The following NBAS variants were observed in gnomAD, a reference collection of about 807,000 sequenced individuals.
NBAS encodes the protein NAG/BC035112 fusion.
Under a neutral mutation model 302.5 loss-of-function variants are expected in NBAS, and 219 were observed. That is an observed-to-expected ratio of 0.72 (90% CI 0.65 to 0.81). The LOEUF is 0.81. Among genes scored for constraint, NBAS ranks in the 30% least tolerant of loss-of-function variants. The pLI is 0.00. For missense variants in NBAS, 2,932 were observed against 2,841.6 expected (o/e 1.03, Z -0.72); for synonymous variants, 1,118 against 1,021.6 (o/e 1.09, Z -1.80).
chr2:14,797,105 A>T, the NBAS span, among the ~76,000 whole-genome samples: 1 of 150,266 alleles, frequency 6.7e-6, no homozygotes, highest in African/African-American at 2.5e-5. Flanking sequence ...AAAAAAAAAA[A>T]AAAAAAAAAC....
the NBAS span, among the ~76,000 whole-genome samples, chr2:14,867,708 G>A: frequency 1.7e-4 from 26 of 152,178 alleles, no homozygotes; most frequent in South Asian, 4.1e-4. Context: ...TCTGTCTTCT[G>A]AAAGGTGGAA....
At chr2:14,912,669 T>C in the NBAS span, among the ~76,000 whole-genome samples, 1 of 148,776 alleles carries the variant, frequency 6.7e-6, no homozygotes, top group Non-Finnish European at 1.5e-5. Context: ...TTTCTCTAGG[T>C]ATGTTGTGAA....
intron 50 of NBAS, among the ~76,000 whole-genome samples, chr2:15,183,531 C>T (rs921729713): frequency 3.9e-5 from 6 of 152,206 alleles, no homozygotes; most frequent in African/African-American, 1.4e-4. Context: ...TGAAGCAGTA[C>T]ACATACAGCC....
chr2:14,864,336 AAAG>A, the NBAS span, among the ~76,000 whole-genome samples: 2 of 151,028 alleles, frequency 1.3e-5, no homozygotes, highest in African/African-American at 2.5e-5. Flanking sequence ...AAAAAAAAAA[AAAG>A]AAAGAAAGAA....
intron 48 of NBAS, among the ~76,000 whole-genome samples, chr2:15,214,113 C>T (rs1285928507): frequency 6.6e-6 from 1 of 152,208 alleles, no homozygotes; most frequent in Non-Finnish European, 1.5e-5. Flanking sequence ...TCTAATCCTT[C>T]ATCATTAATG....
chr2:15,075,448 C>G, the NBAS span, among the ~76,000 whole-genome samples: 5 of 152,282 alleles, frequency 3.3e-5, no homozygotes, highest in Middle Eastern at 3.4e-3. Flanking sequence ...TTCACTGGCT[C>G]CCTCACTGCA....
chr2:15,115,500 T>C, the NBAS span, among the ~76,000 whole-genome samples: 2 of 152,132 alleles, frequency 1.3e-5, no homozygotes, highest in Non-Finnish European at 2.9e-5. Flanking sequence ...AAAAAAATTA[T>C]TTATAATAAC....
intron 23 of NBAS, among the ~76,000 whole-genome samples, chr2:15,418,293 T>C (rs758981996): frequency 3.3e-5 from 5 of 152,198 alleles, no homozygotes; most frequent in Non-Finnish European, 7.4e-5. Context: ...CTGATATTCC[T>C]GAAGATGCTC....
At chr2:15,106,228 C>G in the NBAS span, among the ~76,000 whole-genome samples, 1 of 143,104 alleles carries the variant, frequency 7.0e-6, no homozygotes, top group Non-Finnish European at 1.5e-5. Flanking sequence ...TTTTCAAAAG[C>G]TCAGTTTTTC....
chr2:15,165,269 C>A (rs532253410), downstream of NBAS, among the ~76,000 whole-genome samples: 12 of 152,224 alleles, frequency 7.9e-5, no homozygotes, highest in Admixed American at 7.8e-4. Flanking sequence ...CGGACATAGG[C>A]GGTGCCATCA....
At chr2:15,357,813 C>T (rs747930992) in intron 32 of NBAS, among the ~76,000 whole-genome samples, 10 of 152,096 alleles carry the variant, frequency 6.6e-5, no homozygotes, top group Non-Finnish European at 1.5e-4. Flanking sequence ...GATATGGCTC[C>T]CCCTTCAAGC....
chr2:15,458,355 A>T (rs1679343023), intron 21 of NBAS, among the ~76,000 whole-genome samples: 1 of 152,138 alleles, frequency 6.6e-6, no homozygotes, highest in Admixed American at 6.5e-5. Context: ...CAAATCTCAC[A>T]CTCAAATGTG....
Position 15,474,116 on chromosome 2 carries a change from C to A in NBAS, c.1550G>T (p.Arg517Leu). 1 of 1,614,128 alleles carries A rather than the reference C, an allele frequency of 6.2e-7. No individual in the cohort carries two copies. Among genetic ancestry groups the A allele is most frequent in the Non-Finnish European group, 8.5e-7 (1 of 1,180,028 alleles). The change falls in exon 15 of 52, where the codon CGC (arginine) becomes CTC (leucine). Residue 517 changes from arginine to leucine, a missense_variant. By Grantham distance (102) the Arg-to-Leu change is moderately radical. Transcript: ENST00000281513. Reference protein sequence around the residue: ...KRPRTITKNYRLVSLRSTTPE... With the variant: ...KRPRTITKNYLLVSLRSTTPE... ...TGTCGTGGAGCGCAAACTCACAAGGCGGTAGTTTTTAGTAATGGTTCGTGG... is the reference window on the plus strand; with the variant it reads ...TGTCGTGGAGCGCAAACTCACAAGGAGGTAGTTTTTAGTAATGGTTCGTGG...
the NBAS span, among the ~76,000 whole-genome samples, chr2:15,105,402 T>A: frequency 4.0e-5 from 6 of 151,598 alleles, no homozygotes; most frequent in African/African-American, 1.5e-4. Context: ...GAACTTAAAG[T>A]ATAATTTTTT....
chr2:15,013,564 AT>A, the NBAS span, among the ~76,000 whole-genome samples: 1 of 152,084 alleles, frequency 6.6e-6, no homozygotes, highest in South Asian at 2.1e-4. Flanking sequence ...GCAGGGCATC[AT>A]TTGAGGTCAG....
At chr2:15,200,080 G>A (rs757673930) in intron 48 of NBAS, among the ~76,000 whole-genome samples, 1 of 151,638 alleles carries the variant, frequency 6.6e-6, no homozygotes, top group Non-Finnish European at 1.5e-5. Flanking sequence ...TTTTTTTATT[G>A]TAGAGATGGG....
the NBAS span, among the ~76,000 whole-genome samples, chr2:15,144,045 A>ATATATATATATATATATATATAT: frequency 9.0e-6 from 1 of 110,812 alleles, no homozygotes; most frequent in African/African-American, 4.2e-5. Context: ...TCCTATATAT[A>ATATATATATATATATATATATAT]AAAATATATA....
Position 15,473,328 on chromosome 2 carries a change from T to C in NBAS, c.1619A>G (p.Glu540Gly). ...GGTATGAGCCAAGGACAAGGCTTCC[T>C]CATACTCTTCACTTTCAATCTTCAG... ...YQRKIESEEY[E>G]EALSLAHTYG... Residue 540 changes from glutamate (E) to glycine (G), a missense_variant, in exon 16 of 52, where the codon GAG (glutamate) becomes GGG (glycine). Glu to Gly is a moderately conservative substitution (Grantham distance 98, BLOSUM62 -2). Coordinates refer to ENST00000281513, the MANE Select transcript of NBAS (RefSeq NM_015909.4). 6.2e-7 allele frequency: 1 copy of C among 1,613,936 alleles called. No homozygotes were observed. The highest frequency in any genetic ancestry group is 8.5e-7 in the Non-Finnish European group (1 of 1,179,862).
At chr2:15,132,259 A>G in the NBAS span, among the ~76,000 whole-genome samples, 8 of 152,220 alleles carry the variant, frequency 5.3e-5, no homozygotes, top group African/African-American at 1.2e-4. Flanking sequence ...ATAGAAATGA[A>G]CTATCAAGCC....
Sources: allele counts gnomAD v4.1 joint callset (sites outside exome capture counted in the v4.1 genomes callset), GRCh38; gene constraint gnomAD v4.1.1; transcripts MANE v1.5; gene names NCBI Gene and HGNC (gene_info 2026-07-23, HGNC 2026-07-21).